Variants in MRPS27 observed in about 807,000 individuals in gnomAD.
MRPS27 encodes small ribosomal subunit protein mS27.
Under a neutral mutation model 48.9 loss-of-function variants are expected in MRPS27, and 43 were observed. The ratio of observed to expected loss-of-function variants is 0.88; its 90% CI spans 0.69 to 1.13. The LOEUF is 1.13. Among genes scored for constraint, MRPS27 ranks in the 50% most tolerant of loss-of-function variants. MRPS27 has a pLI of 0.00. For synonymous variants in MRPS27, 188 were observed against 171.9 expected, an observed-to-expected ratio of 1.09 and a Z score of -0.73; for missense variants, 467 against 476.3, an observed-to-expected ratio of 0.98 and a Z score of 0.18.
chr5:72,233,373 C>T (rs1322664024), intron 6 of MRPS27, among the ~76,000 whole-genome samples: 1 of 152,084 alleles, frequency 6.6e-6, no homozygotes, highest in East Asian at 1.9e-4. Context: ...AAACAATTTC[C>T]TTTCTGTAGT....
chr5:72,277,401 G>C (rs887585663), intron 4 of MRPS27, among the ~76,000 whole-genome samples: 1 of 151,906 alleles, frequency 6.6e-6, no homozygotes, highest in African/African-American at 2.4e-5. Flanking sequence ...CTATTATAAA[G>C]ATACACATCC....
chr5:72,254,479 T>C (rs1748744259), intron 4 of MRPS27, among the ~76,000 whole-genome samples: 1 of 152,188 alleles, frequency 6.6e-6, no homozygotes, highest in Admixed American at 6.5e-5. Flanking sequence ...TCCTTGGGAA[T>C]TCACACTAAA....
In MRPS27 at chr5:72,314,087, A is replaced by G; in HGVS notation, c.145T>C (p.Cys49Arg). ...TAGTCCAATAGGTACCTACCAAGAC[A>G]GTAATGTTCTTTTTCTCTTGCTTCC... ...KWEAREKEHY[C>R]LADLASLMDK... The change falls in exon 2 of 11, where the codon TGT becomes CGT. Residue 49 changes from cysteine to arginine, a missense_variant. Physicochemically the swap from Cys to Arg is radical, Grantham distance 180 (BLOSUM62 -3). Coordinates refer to ENST00000261413, the MANE Select transcript of MRPS27 (RefSeq NM_015084.3). The G allele has an allele frequency of 6.2e-7, 1 of 1,612,216 alleles. No individual in the cohort carries two copies. Among genetic ancestry groups the G allele is most frequent in the Non-Finnish European group, 8.5e-7 (1 of 1,178,680 alleles).
At chr5:72,238,205 C>G (rs1748255756) in intron 4 of MRPS27, 77 bp from the exon 5 acceptor site, 1 of 912,734 alleles carries the variant, frequency 1.1e-6, no homozygotes, top group South Asian at 1.4e-5. Flanking sequence ...ATAGGTCCTT[C>G]TCTTAGATAC....
At chr5:72,253,683 TTAAA>T (rs779213829) in intron 4 of MRPS27, among the ~76,000 whole-genome samples, 4 of 152,184 alleles carry the variant, frequency 2.6e-5, no homozygotes, top group Non-Finnish European at 4.4e-5. Flanking sequence ...GGGACAGAAA[TTAAA>T]TAAAGGATAA....
At chr5:72,225,489 G>C (rs932489265) in intron 9 of MRPS27, among the ~76,000 whole-genome samples, 2 of 152,128 alleles carry the variant, frequency 1.3e-5, no homozygotes, top group East Asian at 1.9e-4. Context: ...TACCATCAAG[G>C]GTCCTAGGTG....
chr5:72,320,048 C>A, intron 1 of MRPS27, 101 bp downstream of exon 1: 3 of 1,247,704 alleles, frequency 2.4e-6, no homozygotes, highest in South Asian at 2.5e-5. Flanking sequence ...GCGTCCCTAG[C>A]AATCAGATTC....
At chr5:72,311,950 G>A (rs1750450785) in intron 2 of MRPS27, among the ~76,000 whole-genome samples, 1 of 152,102 alleles carries the variant, frequency 6.6e-6, no homozygotes, top group African/African-American at 2.4e-5. Flanking sequence ...CTGGCCAATA[G>A]GCAAAACCCT....
At chr5:72,314,185 A>T in intron 1 of MRPS27, 27 bp from the exon 2 acceptor site, 1 of 1,554,808 alleles carries the variant, frequency 6.4e-7, no homozygotes, top group Non-Finnish European at 8.9e-7. Flanking sequence ...TTATTTCAAC[A>T]CACATGGTTT....
In MRPS27 at chr5:72,262,573, A is replaced by C. The variant is rs1749010718; in HGVS notation, c.282-24445T>G. ...TTGGACACCCCATTAAAGGATAAGC[A>C]AGGGCTATATGAAAACATCTACACT... On this transcript the variant is annotated intron_variant, in intron 4 of 10. Coordinates refer to ENST00000261413, the MANE Select transcript of MRPS27 (RefSeq NM_015084.3). Among the ~76,000 whole-genome samples the C allele has an allele frequency of 1.3e-5, 2 of 152,032 alleles. 1 individual carries two copies. Among genetic ancestry groups the C allele is most frequent in the Non-Finnish European group, 2.9e-5 (2 of 68,000 alleles).
intron 4 of MRPS27, among the ~76,000 whole-genome samples, chr5:72,249,210 T>C (rs62363251): frequency 0.23 from 35,355 of 152,190 alleles, 5,245 homozygotes; most frequent in Non-Finnish European, 0.33. Context: ...TCTACTTCTA[T>C]ACCTATATGA....
chr5:72,295,672 T>C (rs1480871512), intron 3 of MRPS27, 83 bp from the exon 4 acceptor site: 1 of 1,010,924 alleles, frequency 9.9e-7, no homozygotes, highest in African/African-American at 1.6e-5. Context: ...ACATTGACCT[T>C]AGAAAACACA....
chr5:72,241,434 C>T (rs1194404818), intron 4 of MRPS27: 6 of 536,540 alleles, frequency 1.1e-5, no homozygotes, highest in Non-Finnish European at 2.0e-5. Context: ...TTTCTTGGCC[C>T]CCATCAGCAT....
chr5:72,320,040 G>A, intron 1 of MRPS27, 109 bp downstream of exon 1: 1 of 1,151,750 alleles, frequency 8.7e-7, no homozygotes, highest in Non-Finnish European at 1.3e-6. Flanking sequence ...CCCAAATGGC[G>A]TCCCTAGCAA....
At chr5:72,302,585 AT>A (rs1380128363) in intron 2 of MRPS27, among the ~76,000 whole-genome samples, 5 of 152,180 alleles carry the variant, frequency 3.3e-5, no homozygotes, top group African/African-American at 1.2e-4. Context: ...CAAAATATCA[AT>A]TTTCCCCCAA....
chr5:72,298,158 T>G (rs1750028552), intron 2 of MRPS27, among the ~76,000 whole-genome samples: 1 of 152,172 alleles, frequency 6.6e-6, no homozygotes, highest in Non-Finnish European at 1.5e-5. Context: ...ACCCAAAATC[T>G]GTACGGAACT....
At chr5:72,261,188 T>C (rs1399088068) in intron 4 of MRPS27, among the ~76,000 whole-genome samples, 1 of 152,156 alleles carries the variant, frequency 6.6e-6, no homozygotes, top group Non-Finnish European at 1.5e-5. Context: ...ATGGAACCTT[T>C]TACGTTCTCT....
At position 72,221,084 on chromosome 5, in the gene MRPS27, G is replaced by A; in HGVS notation, c.1070C>T (p.Thr357Ile). Residue 357 changes from threonine (T) to isoleucine (I), a missense_variant, in exon 11 of 11, where the codon ACC becomes ATC. Coordinates refer to ENST00000261413, the MANE Select transcript of MRPS27 (RefSeq NM_015084.3). ...GGAGAGTTTTTCCTTGACAAGCTGG[G>A]TGGTCAGACTTAAAAGACCTTCTGA... is the stretch of plus-strand genomic sequence containing the variant. ...IESEGLLSLTTQLVKEKLSTC... is the reference protein window; with the variant it reads ...IESEGLLSLTIQLVKEKLSTC... 1 of 1,614,158 alleles carries A rather than the reference G, an allele frequency of 6.2e-7. No individual in the cohort carries two copies. Among genetic ancestry groups the A allele is most frequent in the South Asian group, 1.1e-5 (1 of 91,082 alleles).
At chr5:72,285,249 T>C (rs1401491923) in intron 4 of MRPS27, among the ~76,000 whole-genome samples, 1 of 152,218 alleles carries the variant, frequency 6.6e-6, no homozygotes, top group Non-Finnish European at 1.5e-5. Flanking sequence ...ACTCCAGCTG[T>C]ACGATTTGTT....
Sources: allele counts gnomAD v4.1 joint callset (sites outside exome capture counted in the v4.1 genomes callset), GRCh38; gene constraint gnomAD v4.1.1; transcripts MANE v1.5; gene names NCBI Gene and HGNC (gene_info 2026-07-23, HGNC 2026-07-21).